IP6K2: variants seen among roughly 807,000 people sequenced by gnomAD.
The protein encoded by IP6K2 is inositol hexakisphosphate kinase 2.
IP6K2 carries 9 observed loss-of-function variants against 43.3 expected under a neutral mutation model. The ratio of observed to expected loss-of-function variants is 0.21; its 90% CI spans 0.13 to 0.36. IP6K2 has a LOEUF of 0.36. Ranked by LOEUF, IP6K2 falls within the 10% of genes least tolerant of loss-of-function variation. The pLI, the probability that IP6K2 is intolerant of heterozygous loss-of-function variation, is 1.00. For missense variants in IP6K2, 332 were observed against 538.4 expected, an observed-to-expected ratio of 0.62 and a Z score of 3.79; for synonymous variants, 209 against 202.4, an observed-to-expected ratio of 1.03 and a Z score of -0.28.
At chr3:48,712,778 A>G (rs1237194733) in intron 1 of IP6K2, among the ~76,000 whole-genome samples, 1 of 151,990 alleles carries the variant, frequency 6.6e-6, no homozygotes, top group Non-Finnish European at 1.5e-5. Context: ...GCACTTTGGA[A>G]GGCCAGAGTG....
At chr3:48,714,387 G>T (rs6786055) in intron 1 of IP6K2, among the ~76,000 whole-genome samples, 92,839 of 150,672 alleles carry the variant, frequency 0.62, 29,396 homozygotes, top group East Asian at 0.95. Context: ...CCTTTTTTTT[G>T]TGTGTGTGTG....
Position 48,688,826 on chromosome 3 carries a change from A to AC in IP6K2, c.781-54dup. Reference sequence around the variant, plus strand: ...GGCTGAGGGCCATCTCAAACCCTGGACCCCGGGCGGGGGTGGGGTGGTGTG... The same window carrying AC: ...GGCTGAGGGCCATCTCAAACCCTGGACCCCCGGGCGGGGGTGGGGTGGTGTG... On this transcript the variant is annotated intron_variant, in intron 5 of 5. Transcript: ENST00000328631. This position sits in a 1 kb window ranked among gnomAD's most constrained non-coding sequence, Gnocchi z 5.1. The AC allele has an allele frequency of 6.5e-7, 1 of 1,543,788 alleles. No homozygotes were observed. Among genetic ancestry groups the AC allele is most frequent in the Non-Finnish European group, 8.7e-7 (1 of 1,146,008 alleles).
At chr3:48,698,144 G>A (rs1559528617) in intron 1 of IP6K2, among the ~76,000 whole-genome samples, 1 of 152,198 alleles carries the variant, frequency 6.6e-6, no homozygotes, top group African/African-American at 2.4e-5. Flanking sequence ...TCCAGAAGAT[G>A]GAGCTCTGAG....
At chr3:48,692,206 T>A (rs2077862718) in intron 3 of IP6K2, among the ~76,000 whole-genome samples, 1 of 152,174 alleles carries the variant, frequency 6.6e-6, no homozygotes, top group Non-Finnish European at 1.5e-5. Context: ...CTGCCAAAAC[T>A]CTCTGAACAC....
intron 4 of IP6K2, 69 bp from the exon 5 acceptor site, chr3:48,689,782 C>A (rs897602193): frequency 2.2e-6 from 3 of 1,392,992 alleles, no homozygotes; most frequent in African/African-American, 2.8e-5. Flanking sequence ...TCTCAAGGTA[C>A]AGTGCCTTGA....
At position 48,695,563 on chromosome 3, in the gene IP6K2, GC is replaced by G; in HGVS notation, c.-130-143del. ...GACTCCGCCCATGCCACCCACCTTG[GC>G]CCCCGCCTTCTCCGGCAGAAAAACA... is the stretch of plus-strand genomic sequence containing the variant. On this transcript the variant is annotated intron_variant, in intron 1 of 5. Coordinates refer to ENST00000328631, the MANE Select transcript of IP6K2 (RefSeq NM_016291.4). The surrounding 1 kb of genome is among the most constrained non-coding windows in gnomAD (Gnocchi z 4.6). 3 of 1,138,518 alleles carry G rather than the reference GC, an allele frequency of 2.6e-6. No homozygotes were observed. Among genetic ancestry groups the G allele is most frequent in the Non-Finnish European group, 3.4e-6 (3 of 892,764 alleles). 70.5% of individuals were successfully genotyped at this position (1,138,518 alleles called of 1,614,324 possible).
At chr3:48,698,763 G>A (rs1283226060) in intron 1 of IP6K2, among the ~76,000 whole-genome samples, 10 of 152,146 alleles carry the variant, frequency 6.6e-5, no homozygotes, top group East Asian at 1.9e-4. Flanking sequence ...ATGAGCCACC[G>A]TGCCCAGCCC....
At chr3:48,694,812 G>T (rs888525094) in intron 2 of IP6K2, 55 of 1,536,162 alleles carry the variant, frequency 3.6e-5, no homozygotes, top group Non-Finnish European at 4.8e-5. Flanking sequence ...GGGTTACTGT[G>T]ATCAAGAGAC....
At chr3:48,703,425 C>T (rs1427779182) in intron 1 of IP6K2, among the ~76,000 whole-genome samples, 1 of 152,126 alleles carries the variant, frequency 6.6e-6, no homozygotes, top group Non-Finnish European at 1.5e-5. Flanking sequence ...ATTATCTCGG[C>T]CAGGCACGGT....
Position 48,688,835 on chromosome 3 carries a change from G to C in IP6K2, c.781-62C>G, listed in dbSNP as rs370618565. On this transcript the variant is annotated intron_variant, in intron 5 of 5. Transcript: ENST00000328631. The surrounding 1 kb of genome is among the most constrained non-coding windows in gnomAD (Gnocchi z 5.1). ...CCATCTCAAACCCTGGACCCCGGGC[G>C]GGGGTGGGGTGGTGTGGTGGTGGCG... is the stretch of plus-strand genomic sequence containing the variant. The C allele has an allele frequency of 5.3e-5, 81 of 1,533,336 alleles. 1 individual carries two copies. In the South Asian group the frequency reaches 8.8e-4, roughly 17 times the overall value. 95.0% of individuals were successfully genotyped at this position (1,533,336 alleles called of 1,614,324 possible).
intron 1 of IP6K2, among the ~76,000 whole-genome samples, chr3:48,709,612 G>A (rs2080243144): frequency 6.6e-6 from 1 of 152,172 alleles, no homozygotes; most frequent in African/African-American, 2.4e-5. Flanking sequence ...GCCAAGGCAG[G>A]CAGATCACGA....
intron 4 of IP6K2, 102 bp downstream of exon 4, chr3:48,691,205 C>T: frequency 1.1e-6 from 1 of 947,894 alleles, no homozygotes; most frequent in Non-Finnish European, 1.6e-6. Flanking sequence ...GAAACTCAAC[C>T]ATGACTATAA....
chr3:48,714,755 G>A (rs2080989340), intron 1 of IP6K2, among the ~76,000 whole-genome samples: 1 of 151,738 alleles, frequency 6.6e-6, no homozygotes, highest in Non-Finnish European at 1.5e-5. Flanking sequence ...GGCTGAGGCA[G>A]GAGAATGGCG....
intron 4 of IP6K2, 69 bp from the exon 5 acceptor site, chr3:48,689,782 C>T (rs897602193): frequency 1.1e-5 from 16 of 1,392,992 alleles, no homozygotes; most frequent in Non-Finnish European, 1.6e-5. Flanking sequence ...TCTCAAGGTA[C>T]AGTGCCTTGA....
intron 1 of IP6K2, among the ~76,000 whole-genome samples, chr3:48,697,299 G>A (rs1229179946): frequency 6.6e-6 from 1 of 151,646 alleles, no homozygotes. Context: ...GATTACAGGC[G>A]TGAGCCACCG....
rs187169229 is a variant in IP6K2 at position 48,712,328 on chromosome 3, C to T, written c.-131+4829G>A. 5.9e-5 allele frequency among the ~76,000 whole-genome samples: 9 copies of T among 151,430 alleles called. No homozygotes were observed. The East Asian group carries it at 1.2e-3, about 20-fold the overall frequency. On this transcript the variant is annotated intron_variant, in intron 1 of 5. Coordinates refer to ENST00000328631, the MANE Select transcript of IP6K2 (RefSeq NM_016291.4). ...CGCGATCTCGGCTCACTGCAAGCTC[C>T]GCTTCCCAGGTTCACACCATTCTCC...
intron 1 of IP6K2, chr3:48,715,370 T>C: frequency 6.5e-7 from 1 of 1,536,192 alleles, no homozygotes; most frequent in Non-Finnish European, 8.7e-7. Flanking sequence ...TAGATACCAG[T>C]GACATCTCAG....
intron 1 of IP6K2, among the ~76,000 whole-genome samples, chr3:48,712,852 A>G (rs1251462231): frequency 6.6e-6 from 1 of 152,016 alleles, no homozygotes; most frequent in Non-Finnish European, 1.5e-5. Flanking sequence ...ACCCATCACT[A>G]CAAAAATACA....
intron 1 of IP6K2, chr3:48,699,284 C>G (rs540475613): frequency 6.6e-6 from 1 of 152,312 alleles, no homozygotes; most frequent in South Asian, 2.1e-4. Flanking sequence ...GTGGCGCATG[C>G]CTGTAATCCC....
Sources: gnomAD v4.1 joint callset for allele counts (sites outside exome capture counted in the v4.1 genomes callset) on GRCh38, gnomAD v4.1.1 for gene constraint, Gnocchi (gnomAD v3.1) non-coding constraint, MANE v1.5 for transcripts, NCBI Gene and HGNC (gene_info 2026-07-23, HGNC 2026-07-21) for gene names.